TMEM245: variants seen among roughly 807,000 people sequenced by gnomAD.
TMEM245 encodes transmembrane protein 245.
A neutral mutation model predicts 101.2 loss-of-function variants in TMEM245; 69 were observed. That is an observed-to-expected ratio of 0.68 (90% confidence interval 0.56 to 0.83). The LOEUF is 0.83. Ranked by LOEUF, TMEM245 falls within the 40% of genes least tolerant of loss-of-function variation. TMEM245 has a pLI of 0.00. For synonymous variants in TMEM245, 537 were observed against 449.8 expected, an observed-to-expected ratio of 1.19 and a Z score of -2.45; for missense variants, 1,075 against 1,092.8, an observed-to-expected ratio of 0.98 and a Z score of 0.23.
intron 3 of TMEM245, among the ~76,000 whole-genome samples, chr9:109,095,522 ACTGGTATCAAATAAACAAGG>A (rs1830116248): frequency 6.6e-6 from 1 of 152,198 alleles, no homozygotes; most frequent in Non-Finnish European, 1.5e-5. Context: ...CTAGTAAGAA[ACTGGTATCAAATAAACAAGG>A]CTGGAGAGGT....
intron 14 of TMEM245, among the ~76,000 whole-genome samples, chr9:109,046,863 A>G (rs528684756): frequency 1.3e-5 from 2 of 152,358 alleles, no homozygotes; most frequent in South Asian, 4.1e-4. Context: ...TTCAGGATGA[A>G]AAATCCAACA....
At chr9:109,082,944 A>G (rs914814704) in intron 7 of TMEM245, among the ~76,000 whole-genome samples, 7 of 152,182 alleles carry the variant, frequency 4.6e-5, no homozygotes, top group African/African-American at 1.7e-4. Context: ...AAAATTATTT[A>G]AGATGCTCAA....
chr9:109,056,114 CAA>C (rs1484187597), intron 12 of TMEM245, among the ~76,000 whole-genome samples: 5 of 152,196 alleles, frequency 3.3e-5, no homozygotes, highest in African/African-American at 1.2e-4. Context: ...AACTGCAAAA[CAA>C]AGAGAGTAGC....
At position 109,119,557 on chromosome 9, in the gene TMEM245, G is replaced by A. The variant is rs757677424; in HGVS notation, c.357C>T (p.Ile119=). 1.3e-6 allele frequency: 2 copies of A among 1,537,514 alleles called. No individual in the cohort carries two copies. The highest frequency in any genetic ancestry group is 2.0e-5 in the Admixed American group (1 of 50,230). The change falls in exon 1 of 18, where the codon ATC becomes ATT. Residue 119 remains isoleucine (I), a synonymous_variant. Coordinates refer to ENST00000374586, the MANE Select transcript of TMEM245 (RefSeq NM_032012.4). ...LQRLHRAHTP[I]VLAALLLPLC... ...GCGGCAGGAGCAGCGCGGCCAGGAC[G>A]ATGGGCGTGTGCGCGCGGTGCAGGC...
intron 14 of TMEM245, 150 bp from the exon 15 acceptor site, chr9:109,038,267 A>G (rs1477504429): frequency 2.0e-6 from 1 of 503,440 alleles, no homozygotes; most frequent in Admixed American, 3.9e-5. Context: ...TTTCAAAGAA[A>G]CATAAACACC....
intron 14 of TMEM245, among the ~76,000 whole-genome samples, chr9:109,045,903 T>C (rs941657615): frequency 2.0e-5 from 3 of 152,210 alleles, no homozygotes; most frequent in African/African-American, 4.8e-5. Flanking sequence ...GAAAATACAT[T>C]TTCTTACAGC....
At chr9:109,098,874 G>A (rs1386002060) in intron 3 of TMEM245, among the ~76,000 whole-genome samples, 1 of 152,212 alleles carries the variant, frequency 6.6e-6, no homozygotes, top group African/African-American at 2.4e-5. Flanking sequence ...CCAGGGGGCA[G>A]AAACTCAGAG....
chr9:109,056,698 C>T (rs532090718), intron 12 of TMEM245, among the ~76,000 whole-genome samples: 3 of 152,186 alleles, frequency 2.0e-5, no homozygotes, highest in Admixed American at 1.3e-4. Flanking sequence ...AGTTTATGCA[C>T]AAGAAAACTG....
In TMEM245 at chr9:109,119,534, G is replaced by T. The variant is rs1231373367; in HGVS notation, c.380C>A (p.Pro127Gln). Residue 127 changes from proline (P) to glutamine (Q), a missense_variant, in exon 1 of 18, where the codon CCG becomes CAG. By Grantham distance (76) the Pro-to-Gln change is moderately conservative. This residue lies in a region of TMEM245 where 808 missense variants were observed against 741.5 expected (regional missense o/e 1.09). Coordinates refer to ENST00000374586, the MANE Select transcript of TMEM245 (RefSeq NM_032012.4). ...GACGCCGTAGTCGACGAAGCAGAGC[G>T]GCAGGAGCAGCGCGGCCAGGACGAT... ...TPIVLAALLLPLCFVDYGVEA... is the reference protein window; with the variant it reads ...TPIVLAALLLQLCFVDYGVEA... 8 of 1,530,262 alleles carry T rather than the reference G, an allele frequency of 5.2e-6. No individual in the cohort carries two copies. In the Middle Eastern group the frequency reaches 8.9e-4, roughly 170 times the overall value. 94.8% of individuals were successfully genotyped at this position (1,530,262 alleles called of 1,614,324 possible). A position where few individuals can be genotyped will look rare whatever the true frequency, so the allele number is the denominator to read the frequency against.
In TMEM245 at chr9:109,087,284, G is replaced by A; in HGVS notation, c.1209C>T (p.Arg403=). 1 of 1,613,562 alleles carries A rather than the reference G, an allele frequency of 6.2e-7. No homozygotes were observed. The highest frequency in any genetic ancestry group is 1.1e-5 in the South Asian group (1 of 90,998). Reference sequence around the variant, plus strand: ...CTATAATGCCCCACCACACATGGTAGCGTTTCTCTAGGAAATCCACAACTC... The same window carrying A: ...CTATAATGCCCCACCACACATGGTAACGTTTCTCTAGGAAATCCACAACTC... The part of the protein sequence containing the change: ...HFGVVDFLEK[R]YHVWWGIIES... The change falls in exon 6 of 18, where the codon CGC becomes CGT. Residue 403 remains arginine, a synonymous_variant. Transcript: ENST00000374586.
intron 1 of TMEM245, 133 bp downstream of exon 1, chr9:109,119,202 G>A: frequency 1.2e-6 from 1 of 830,798 alleles, no homozygotes; most frequent in South Asian, 2.0e-5. Flanking sequence ...GAGAAGGAAA[G>A]CGGAGACGGA....
In TMEM245 at chr9:109,080,940, T is replaced by TC. The variant is rs1299630839; in HGVS notation, c.1347dup (p.Ile450AspfsTer10). The TC allele has an allele frequency of 6.3e-7, 1 of 1,585,638 alleles. No homozygotes were observed. Among genetic ancestry groups the TC allele is most frequent in the Non-Finnish European group, 8.6e-7 (1 of 1,159,066 alleles). On this transcript the variant is annotated frameshift_variant, in exon 8 of 18. Transcript: ENST00000374586. LOFTEE classifies it high-confidence loss of function. ...TCTAACATCTTCTCCAACCAGATGA[T>TC]CATCTGCACAAAAACGAAAAAGAGA...
At chr9:109,082,386 T>C (rs1444894298) in intron 7 of TMEM245, among the ~76,000 whole-genome samples, 1 of 152,216 alleles carries the variant, frequency 6.6e-6, no homozygotes, top group Non-Finnish European at 1.5e-5. Context: ...TCAGATGTCA[T>C]ATTCTGAAGT....
intron 14 of TMEM245, among the ~76,000 whole-genome samples, chr9:109,040,012 G>GA (rs1828255491): frequency 1.3e-5 from 2 of 152,104 alleles, no homozygotes; most frequent in African/African-American, 4.8e-5. Flanking sequence ...CACCCCTCTG[G>GA]GTGGCAAGTA....
chr9:109,065,915 A>G (rs145434985), intron 9 of TMEM245, among the ~76,000 whole-genome samples: 1 of 152,164 alleles, frequency 6.6e-6, no homozygotes, highest in Non-Finnish European at 1.5e-5. Flanking sequence ...AACTCACAGC[A>G]ACTTTATGTG....
At position 109,094,271 on chromosome 9, in the gene TMEM245, A is replaced by G. The variant is rs372169342; in HGVS notation, c.800-680T>C. On this transcript the variant is annotated intron_variant, in intron 3 of 17. Coordinates refer to ENST00000374586, the MANE Select transcript of TMEM245 (RefSeq NM_032012.4). ...AACCTTTAACCTTCTATAGCAGACA[A>G]GGAAGAATAGCTCACATAGCATCGG... Among the ~76,000 whole-genome samples, 140 of 152,366 alleles carry G rather than the reference A, an allele frequency of 9.2e-4. 3 individuals carry two copies. The South Asian group carries it at 0.026, about 28-fold the overall frequency.
chr9:109,080,128 T>A (rs1335646533), intron 8 of TMEM245, among the ~76,000 whole-genome samples: 1 of 151,898 alleles, frequency 6.6e-6, no homozygotes, highest in Non-Finnish European at 1.5e-5. Flanking sequence ...ACTAAAGGAA[T>A]AAAAAAAATT....
intron 8 of TMEM245, among the ~76,000 whole-genome samples, chr9:109,075,563 A>C (rs1829473355): frequency 6.6e-6 from 1 of 152,074 alleles, no homozygotes; most frequent in Non-Finnish European, 1.5e-5. Context: ...CAATTTTTCT[A>C]TTTCTTCTTG....
intron 1 of TMEM245, among the ~76,000 whole-genome samples, chr9:109,113,782 C>G (rs764952496): frequency 2.6e-5 from 4 of 152,134 alleles, no homozygotes; most frequent in Non-Finnish European, 5.9e-5. Flanking sequence ...GTTTCCCAAG[C>G]TTTTTTTAGA....
Sources: allele counts gnomAD v4.1 joint callset (sites outside exome capture counted in the v4.1 genomes callset), GRCh38; gene constraint gnomAD v4.1.1; regional missense constraint gnomAD v4.1.1; transcripts MANE v1.5; gene names NCBI Gene and HGNC (gene_info 2026-07-23, HGNC 2026-07-21).